Variants in AGBL4 observed in about 807,000 individuals in gnomAD.
The protein encoded by AGBL4 is cytosolic carboxypeptidase 6.
A neutral mutation model predicts 66.4 loss-of-function variants in AGBL4; 58 were observed. The ratio of observed to expected loss-of-function variants is 0.87; its 90% CI spans 0.71 to 1.09. The LOEUF (loss-of-function observed/expected upper bound fraction) is 1.09, where lower values mean the gene tolerates loss of function less well. Ranked by LOEUF, AGBL4 falls within the 50% of genes least tolerant of loss-of-function variation. The probability of loss-of-function intolerance (pLI) is 0.00; values close to 1 mark genes in which losing one functional copy is unlikely to be tolerated. For missense variants in AGBL4, 579 were observed against 631.0 expected (o/e 0.92, Z 0.88); for synonymous variants, 234 against 222.9 (o/e 1.05, Z -0.44).
intron 3 of AGBL4, among the ~76,000 whole-genome samples, chr1:49,633,630 G>C (rs1247015287): frequency 1.3e-5 from 2 of 152,004 alleles, no homozygotes; most frequent in African/African-American, 4.8e-5. Context: ...CTGTAATCTA[G>C]CCTGGGGGAC....
chr1:49,560,396 G>A (rs1407469629), intron 3 of AGBL4, among the ~76,000 whole-genome samples: 2 of 151,978 alleles, frequency 1.3e-5, no homozygotes, highest in South Asian at 2.1e-4. Context: ...AAATTAGTGA[G>A]CCTGAAGACA....
In AGBL4 at chr1:49,590,593, C is replaced by T. The variant is rs181978797; in HGVS notation, c.282+106720G>A. ...TTCTATATACTTTTCAAAAGTTTTA[C>T]GTAAGAGAGCGTATAATCAAAATGA... On this transcript the variant is annotated intron_variant, in intron 3 of 13. Coordinates refer to ENST00000371839, the MANE Select transcript of AGBL4 (RefSeq NM_032785.4). Among the ~76,000 whole-genome samples the T allele has an allele frequency of 4.6e-4, 70 of 151,804 alleles. 1 individual carries two copies. Among genetic ancestry groups the T allele is most frequent in the Non-Finnish European group, 7.7e-4 (52 of 67,870 alleles).
chr1:49,885,088 A>G (rs1647877918), intron 1 of AGBL4, among the ~76,000 whole-genome samples: 1 of 152,006 alleles, frequency 6.6e-6, no homozygotes, highest in African/African-American at 2.4e-5. Flanking sequence ...CAAAGTGAAG[A>G]AAACAGCTTA....
chr1:48,756,615 G>A (rs1448013868), intron 6 of AGBL4, among the ~76,000 whole-genome samples: 2 of 152,208 alleles, frequency 1.3e-5, no homozygotes, highest in Admixed American at 1.3e-4. Context: ...GGGAAGTTGG[G>A]ATTTGAATCC....
chr1:48,536,108 C>G (rs2246557), intron 12 of AGBL4, among the ~76,000 whole-genome samples: 6 of 151,740 alleles, frequency 4.0e-5, no homozygotes, highest in Non-Finnish European at 1.5e-5. Flanking sequence ...AGCTCTGTCT[C>G]GGGCAGAGAA....
At chr1:49,016,330 T>C (rs1311708935) in intron 5 of AGBL4, among the ~76,000 whole-genome samples, 1 of 152,106 alleles carries the variant, frequency 6.6e-6, no homozygotes, top group Non-Finnish European at 1.5e-5. Context: ...AGCTTCAGGG[T>C]TTCTGACAGG....
intron 4 of AGBL4, among the ~76,000 whole-genome samples, chr1:49,240,930 A>C (rs1651179196): frequency 6.6e-6 from 1 of 151,920 alleles, no homozygotes; most frequent in Non-Finnish European, 1.5e-5. Flanking sequence ...ATCTTCAGTA[A>C]ATGACATCAT....
intron 4 of AGBL4, among the ~76,000 whole-genome samples, chr1:49,154,656 A>G (rs576963463): frequency 4.6e-5 from 7 of 152,262 alleles, no homozygotes; most frequent in African/African-American, 7.2e-5. Context: ...ATTGTCTCCC[A>G]TGGTGCTGAC....
chr1:48,676,588 G>C lies in AGBL4; in HGVS notation c.635-13347C>G, dbSNP rs367853501. 1.4e-3 allele frequency among the ~76,000 whole-genome samples: 210 copies of C among 152,308 alleles called. 2 individuals are homozygous for C. In the South Asian group the frequency reaches 0.039, roughly 28 times the overall value. On this transcript the variant is annotated intron_variant, in intron 6 of 13. Coordinates refer to ENST00000371839, the MANE Select transcript of AGBL4 (RefSeq NM_032785.4). ...TGATATAAATGTTTACTGACTAATA[G>C]AAATACCTGATTAAGAACACCCAGT...
chr1:48,626,182 G>A (rs1418183106), intron 9 of AGBL4, among the ~76,000 whole-genome samples: 1 of 152,158 alleles, frequency 6.6e-6, no homozygotes, highest in South Asian at 2.1e-4. Context: ...GCTGGTGTGG[G>A]TGCTTTAATC....
intron 6 of AGBL4, among the ~76,000 whole-genome samples, chr1:48,672,109 T>C (rs1016735561): frequency 3.9e-5 from 6 of 152,196 alleles, no homozygotes; most frequent in Admixed American, 3.9e-4. Flanking sequence ...TTGATAAATA[T>C]GTAAATTAAA....
At chr1:48,910,301 T>G (rs571816854) in intron 5 of AGBL4, among the ~76,000 whole-genome samples, 2 of 152,322 alleles carry the variant, frequency 1.3e-5, no homozygotes, top group South Asian at 4.1e-4. Context: ...CCAAGAGTAG[T>G]TGAAATTCAC....
intron 3 of AGBL4, among the ~76,000 whole-genome samples, chr1:49,565,949 A>T (rs192368525): frequency 6.6e-6 from 1 of 152,244 alleles, no homozygotes. Flanking sequence ...AATTAGATGT[A>T]GATTTGGTCT....
chr1:48,863,243 A>G (rs542569112), intron 6 of AGBL4, among the ~76,000 whole-genome samples: 6 of 152,148 alleles, frequency 3.9e-5, no homozygotes, highest in Non-Finnish European at 7.4e-5. Flanking sequence ...GTACATACCC[A>G]CATATAACCA....
At chr1:49,936,426 C>A (rs980815031) in intron 1 of AGBL4, among the ~76,000 whole-genome samples, 1 of 152,158 alleles carries the variant, frequency 6.6e-6, no homozygotes, top group South Asian at 2.1e-4. Context: ...GGACATTACC[C>A]AGGAGAACTT....
chr1:49,959,715 TAA>T lies in AGBL4; in HGVS notation c.34+64046_34+64047del, dbSNP rs1255379520. The stretch of plus-strand genomic sequence containing the variant: ...CAAAGGGATATAAATTGTTCTACCA[TAA>T]AGACACATGCATACATATATTCATT... On this transcript the variant is annotated intron_variant, in intron 1 of 13. Coordinates refer to ENST00000371839, the MANE Select transcript of AGBL4 (RefSeq NM_032785.4). Among the ~76,000 whole-genome samples the T allele has an allele frequency of 2.6e-5, 4 of 152,048 alleles. No individual in the cohort carries two copies. The East Asian group carries it at 7.7e-4, about 29-fold the overall frequency.
At chr1:49,573,956 G>T (rs894128088) in intron 3 of AGBL4, among the ~76,000 whole-genome samples, 1 of 152,114 alleles carries the variant, frequency 6.6e-6, no homozygotes, top group Non-Finnish European at 1.5e-5. Flanking sequence ...TCAGCCTGTC[G>T]ATCTTTGTCT....
intron 3 of AGBL4, among the ~76,000 whole-genome samples, chr1:49,293,396 A>C (rs1187526314): frequency 6.6e-6 from 1 of 152,228 alleles, no homozygotes; most frequent in Non-Finnish European, 1.5e-5. Flanking sequence ...AACTCAGGCA[A>C]AGGTGCCACT....
At chr1:49,000,864 A>G (rs1661348429) in intron 5 of AGBL4, among the ~76,000 whole-genome samples, 1 of 152,212 alleles carries the variant, frequency 6.6e-6, no homozygotes, top group African/African-American at 2.4e-5. Flanking sequence ...AGAACAGAGC[A>G]ATTATGAGGC....
Sources: allele counts gnomAD v4.1 joint callset (sites outside exome capture counted in the v4.1 genomes callset), GRCh38; gene constraint gnomAD v4.1.1; transcripts MANE v1.5; gene names NCBI Gene and HGNC (gene_info 2026-07-23, HGNC 2026-07-21).